CCDC74A: variants seen among roughly 807,000 people sequenced by gnomAD.
The protein encoded by CCDC74A is coiled-coil domain-containing protein 74A.
CCDC74A carries 38 observed loss-of-function variants against 37.6 expected under a neutral mutation model. The observed-to-expected ratio is 1.01, with a 90% CI of 0.78 to 1.33. The LOEUF is 1.33. Among genes scored for constraint, CCDC74A ranks in the 40% most tolerant of loss-of-function variants. The probability of loss-of-function intolerance (pLI) is 0.00; values close to 1 mark genes in which losing one functional copy is unlikely to be tolerated. For missense variants in CCDC74A, 340 were observed against 403.4 expected (o/e 0.84, Z 1.35); for synonymous variants, 134 against 165.2 (o/e 0.81, Z 1.45).
chr2:131,529,586 T>G (rs1680864921), intron 1 of CCDC74A, 61 bp from the exon 2 acceptor site: 1 of 1,610,962 alleles, frequency 6.2e-7, no homozygotes, highest in Non-Finnish European at 8.5e-7. Flanking sequence ...CAGGCCAGGC[T>G]TCTTCTCTCA....
At chr2:131,525,603 A>C (rs915253019), upstream of CCDC74A, among the ~76,000 whole-genome samples, 8 of 151,858 alleles carry the variant, frequency 5.3e-5, no homozygotes, top group African/African-American at 1.9e-4. Context: ...GATGGAGTGC[A>C]GTGGCAGGAT....
intron 2 of CCDC74A, chr2:131,529,998 C>T (rs1680950856): frequency 1.9e-6 from 3 of 1,544,156 alleles, no homozygotes; most frequent in Non-Finnish European, 2.6e-6. Flanking sequence ...ACCCCTGGGA[C>T]AGCCCCTGCC....
chr2:131,524,995 AGGC>A, upstream of CCDC74A, among the ~76,000 whole-genome samples: 1 of 151,560 alleles, frequency 6.6e-6, no homozygotes, highest in Non-Finnish European at 1.5e-5. Context: ...CAGGAGTTCC[AGGC>A]TGCAAGTGAG....
At chr2:131,528,686 C>T (rs1680639151) in intron 1 of CCDC74A, 2 of 430,734 alleles carry the variant, frequency 4.6e-6, no homozygotes, top group African/African-American at 2.0e-5. Context: ...TGGTGGGCGT[C>T]TGTAGTCCCA....
At chr2:131,526,474 G>C (rs1224407739), upstream of CCDC74A, among the ~76,000 whole-genome samples, 14 of 152,120 alleles carry the variant, frequency 9.2e-5, no homozygotes, top group African/African-American at 3.1e-4. Context: ...TTATTTCTTA[G>C]AATGTCTACT....
chr2:131,528,785 T>C (rs1680665636), intron 1 of CCDC74A, among the ~76,000 whole-genome samples: 1 of 152,182 alleles, frequency 6.6e-6, no homozygotes. Context: ...CACTCCAGCC[T>C]CGGTGACAGA....
chr2:131,523,447 G>C (rs1474742723), upstream of CCDC74A, among the ~76,000 whole-genome samples: 2 of 152,192 alleles, frequency 1.3e-5, no homozygotes, highest in East Asian at 1.9e-4. Flanking sequence ...GGCCAACATG[G>C]TGAAATCCCA....
intron 4 of CCDC74A, 23 bp from the exon 5 acceptor site, chr2:131,532,566 G>A: frequency 6.5e-7 from 1 of 1,541,306 alleles, no homozygotes; most frequent in Non-Finnish European, 8.7e-7. Context: ...GGTCACCTCT[G>A]GCTGCTGCAA....
chr2:131,529,927 G>A, intron 2 of CCDC74A: 2 of 1,500,880 alleles, frequency 1.3e-6, no homozygotes, highest in East Asian at 2.5e-5. Flanking sequence ...TTGCAGTGGG[G>A]AGGTGGGCAC....
chr2:131,532,588 G>A lies in CCDC74A; in HGVS notation c.486-1G>A, dbSNP rs1433079424. On this transcript the variant is annotated splice_acceptor_variant, in intron 4 of 7. Transcript: ENST00000409856. LOFTEE classifies it high-confidence loss of function. ...TCTGGCTGCTGCAATGACTGTTTCA[G>A]AAAGGAGAAAGCAGAGGCCTCTAAT... The A allele has an allele frequency of 1.3e-6, 2 of 1,565,170 alleles. No individual in the cohort carries two copies. Among genetic ancestry groups the A allele is most frequent in the African/African-American group, 1.4e-5 (1 of 73,476 alleles).
upstream of CCDC74A, among the ~76,000 whole-genome samples, chr2:131,527,358 G>A (rs887684333): frequency 1.3e-5 from 2 of 152,040 alleles, no homozygotes; most frequent in African/African-American, 4.8e-5. Flanking sequence ...CTCGACCTCT[G>A]GGGTTCCAGC....
chr2:131,529,291 C>G (rs1680777918), intron 1 of CCDC74A: 1 of 475,444 alleles, frequency 2.1e-6, no homozygotes, highest in Non-Finnish European at 3.9e-6. Context: ...GAGCCTCCCC[C>G]GCAGTCCCTG....
rs144497560 is a variant in CCDC74A, at chr2:131,533,059, T to G, written c.799T>G (p.Ser267Ala). The change falls in exon 7 of 8, where the codon TCC becomes GCC. Residue 267 changes from serine to alanine, a missense_variant. This residue lies in a region of CCDC74A where 185 missense variants were observed against 231.5 expected (regional missense o/e 0.80). Coordinates refer to ENST00000409856, the MANE Select transcript of CCDC74A (RefSeq NM_001258306.3). ...CCCCAAGGTCTCCACCAAGAGCCTC[T>G]CCAAGAAATGGTAAGTCCCACAGGC... ...HFPKVSTKSL[S>A]KKCLSPPVAE... The G allele has an allele frequency of 2.4e-5, 39 of 1,613,672 alleles. 1 individual carries two copies. In the African/African-American group the frequency reaches 4.5e-4, roughly 19 times the overall value.
chr2:131,526,234 C>T (rs960979782), upstream of CCDC74A, among the ~76,000 whole-genome samples: 6 of 151,156 alleles, frequency 4.0e-5, no homozygotes, highest in Admixed American at 6.6e-5. Flanking sequence ...GCAACCTCCA[C>T]CTCCTGGATT....
chr2:131,530,622 G>C (rs1252656534), intron 2 of CCDC74A, 155 bp from the exon 3 acceptor site: 1 of 1,611,482 alleles, frequency 6.2e-7, no homozygotes, highest in Non-Finnish European at 8.5e-7. Flanking sequence ...CTGCTCCCTT[G>C]GGCGCTCGCT....
In CCDC74A at chr2:131,533,167, G is replaced by A. The variant is rs73957438; in HGVS notation, c.809+98G>A. Reference sequence around the variant, plus strand: ...GGGTGGCAGCGCAGAAGCAGAGCTCGCTGAGGCCTCTCTGTGCCCCCGTGA... The same window carrying A: ...GGGTGGCAGCGCAGAAGCAGAGCTCACTGAGGCCTCTCTGTGCCCCCGTGA... On this transcript the variant is annotated intron_variant, in intron 7 of 7. Transcript: ENST00000409856. 3.1e-3 allele frequency: 5,003 copies of A among 1,607,786 alleles called. 128 individuals are homozygous for A. In the African/African-American group the frequency reaches 0.056, roughly 18 times the overall value.
rs974383301 is a variant in CCDC74A at position 131,529,422 on chromosome 2, C to G, written c.251-225C>G. 3 of 689,566 alleles carry G rather than the reference C, an allele frequency of 4.4e-6. No individual in the cohort carries two copies. In the African/African-American group the frequency reaches 5.3e-5, roughly 12 times the overall value. 42.7% of individuals were successfully genotyped at this position (689,566 alleles called of 1,614,324 possible). On this transcript the variant is annotated intron_variant, in intron 1 of 7. Transcript: ENST00000409856. ...CTCCAGTCATCTCAGATGGATGAGG[C>G]CGATATGCCCGGTGGGCTCTGCCTA...
At chr2:131,532,506 G>A in intron 4 of CCDC74A, 83 bp from the exon 5 acceptor site, 1 of 1,464,856 alleles carries the variant, frequency 6.8e-7, no homozygotes. Flanking sequence ...CATTGGCCTG[G>A]GCGCTGCCTG....
chr2:131,533,520 AAGAT>A lies in CCDC74A; in HGVS notation c.*128_*131del, dbSNP rs1237083419. On this transcript the variant is annotated 3_prime_UTR_variant, in exon 8 of 8. Transcript: ENST00000409856. ...CTAAATTCCAAGACAGATAACACTC[AAGAT>A]AGATAAAGTACTTGATCTCCAAACT... 1 of 1,327,830 alleles carries A rather than the reference AAGAT, an allele frequency of 7.5e-7. No homozygotes were observed. The highest frequency in any genetic ancestry group is 1.0e-6 in the Non-Finnish European group (1 of 977,556). The allele number at this position is 1,327,830 out of a possible 1,614,324, so 82.3% of individuals were successfully genotyped here.
Sources: allele counts gnomAD v4.1 joint callset (sites outside exome capture counted in the v4.1 genomes callset), GRCh38; gene constraint gnomAD v4.1.1; regional missense constraint gnomAD v4.1.1; transcripts MANE v1.5; gene names NCBI Gene and HGNC (gene_info 2026-07-23, HGNC 2026-07-21).